The following PDXDC1 variants were observed in gnomAD, a reference collection of about 807,000 sequenced individuals.
The protein encoded by PDXDC1 is pyridoxal dependent decarboxylase domain containing 1.
Under a neutral mutation model 100.1 loss-of-function variants are expected in PDXDC1, and 42 were observed. The observed-to-expected ratio is 0.42, with a 90% CI of 0.33 to 0.54. The LOEUF (loss-of-function observed/expected upper bound fraction) is 0.54. PDXDC1 is among the 20% of genes least tolerant of loss of function. PDXDC1 has a pLI of 0.10. For missense variants in PDXDC1, 636 were observed against 979.2 expected (o/e 0.65, Z 4.68); for synonymous variants, 260 against 371.7 (o/e 0.70, Z 3.46).
intron 1 of PDXDC1, among the ~76,000 whole-genome samples, chr16:14,981,609 G>A (rs983424870): frequency 6.6e-6 from 1 of 152,280 alleles, no homozygotes; most frequent in African/African-American, 2.4e-5. Context: ...GTGTTTACTC[G>A]TGTTATAAGA....
chr16:15,091,683 C>G (rs573856646), intron 16 of PDXDC1, among the ~76,000 whole-genome samples: 126 of 152,288 alleles, frequency 8.3e-4, no homozygotes, highest in African/African-American at 3.0e-3. Flanking sequence ...CTATAATGAT[C>G]TAATTCAGGA....
chr16:15,004,716 C>T (rs1973894893), intron 5 of PDXDC1, among the ~76,000 whole-genome samples: 1 of 152,214 alleles, frequency 6.6e-6, no homozygotes, highest in Admixed American at 6.5e-5. Flanking sequence ...TGGTTCTTGA[C>T]CTCCCATCCT....
chr16:15,033,152 C>T lies in PDXDC1; in HGVS notation c.1691-126C>T, dbSNP rs1001102402. ...TGCAGCCTTGCCAGGCCTTTCTCTC[C>T]GCCCTTAGAATCTCCATGGAGGAGA... On this transcript the variant is annotated intron_variant, in intron 18 of 22. Coordinates refer to ENST00000396410, the MANE Select transcript of PDXDC1 (RefSeq NM_015027.4). 227 of 1,151,748 alleles carry T rather than the reference C, an allele frequency of 2.0e-4. No individual in the cohort carries two copies. The Middle Eastern group carries it at 2.2e-3, about 11-fold the overall frequency. 71.3% of individuals were successfully genotyped at this position (1,151,748 alleles called of 1,614,324 possible). A position where few individuals can be genotyped will look rare whatever the true frequency, so the allele number is the denominator to read the frequency against.
At chr16:15,027,742 G>A (rs939632266) in intron 14 of PDXDC1, among the ~76,000 whole-genome samples, 7 of 152,290 alleles carry the variant, frequency 4.6e-5, no homozygotes, top group African/African-American at 1.7e-4. Context: ...CCAGCCGCTT[G>A]TGTCTTTTTC....
At chr16:15,073,598 G>C (rs2045332150) in intron 16 of PDXDC1, among the ~76,000 whole-genome samples, 1 of 152,182 alleles carries the variant, frequency 6.6e-6, no homozygotes, top group African/African-American at 2.4e-5. Flanking sequence ...ACTGTGGCAA[G>C]GTCAGAAATG....
chr16:15,135,696 C>A (rs1257639255), intron 16 of PDXDC1: 2 of 1,594,390 alleles, frequency 1.3e-6, no homozygotes, highest in African/African-American at 1.3e-5. Context: ...GGCGTCTGGT[C>A]GCCATCCTCC....
chr16:15,065,359 G>A (rs568807566), intron 16 of PDXDC1: 17 of 1,613,128 alleles, frequency 1.1e-5, no homozygotes, highest in Non-Finnish European at 1.3e-5. Context: ...AGCAGAAGAC[G>A]AGCTGGTACT....
chr16:15,122,551 G>A (rs1277210095), intron 16 of PDXDC1, among the ~76,000 whole-genome samples: 4 of 146,952 alleles, frequency 2.7e-5, no homozygotes, highest in African/African-American at 7.6e-5. Context: ...AAGAAACCCC[G>A]CGGGTCCAGC....
chr16:15,094,430 G>T (rs1001958203), intron 16 of PDXDC1: 1 of 612,488 alleles, frequency 1.6e-6, no homozygotes. Flanking sequence ...ACTTGTTCCA[G>T]CCAGCGCTAG....
At chr16:15,063,035 G>C (rs1328284905) in intron 16 of PDXDC1, among the ~76,000 whole-genome samples, 1 of 152,144 alleles carries the variant, frequency 6.6e-6, no homozygotes, top group Non-Finnish European at 1.5e-5. Context: ...GTAGAAACAG[G>C]GTGTCACTGT....
At position 14,975,090 on chromosome 16, in the gene PDXDC1, C is replaced by T. The variant is rs897550126; in HGVS notation, c.-110C>T. The T allele has an allele frequency of 3.4e-6, 5 of 1,470,960 alleles. No individual in the cohort carries two copies. The African/African-American group carries it at 7.2e-5, about 21-fold the overall frequency. The allele number at this position is 1,470,960 out of a possible 1,614,324, so 91.1% of individuals were successfully genotyped here. A position where few individuals can be genotyped will look rare whatever the true frequency, so the allele number is the denominator to read the frequency against. ...GCAGCTCCTCCTCTTCTCCGCCCCGCCGGCCGCGGGCGCGGGGGACGTCAG... is the reference window on the plus strand; with the variant it reads ...GCAGCTCCTCCTCTTCTCCGCCCCGTCGGCCGCGGGCGCGGGGGACGTCAG... On this transcript the variant is annotated 5_prime_UTR_variant, in exon 1 of 23. Transcript: ENST00000396410.
At chr16:15,131,181 G>A in intron 16 of PDXDC1, 1 of 1,588,610 alleles carries the variant, frequency 6.3e-7, no homozygotes, top group South Asian at 1.1e-5. Context: ...CCTGGGGCTG[G>A]ACCACAACGG....
At chr16:15,122,053 A>G (rs1218050528) in intron 16 of PDXDC1, among the ~76,000 whole-genome samples, 29 of 151,688 alleles carry the variant, frequency 1.9e-4, no homozygotes, top group African/African-American at 4.1e-4. Context: ...AATCTGAGCT[A>G]CTCAGGAGGC....
the PDXDC1 span, among the ~76,000 whole-genome samples, chr16:15,144,540 C>A: frequency 3.3e-5 from 5 of 152,262 alleles, no homozygotes; most frequent in Admixed American, 3.3e-4. Flanking sequence ...AGGCCCCAGG[C>A]AACAGAGCCC....
intron 1 of PDXDC1, among the ~76,000 whole-genome samples, chr16:14,977,334 C>T (rs1966927276): frequency 7.8e-6 from 1 of 128,966 alleles, no homozygotes; most frequent in Non-Finnish European, 1.5e-5. Flanking sequence ...GGCTGGAGTG[C>T]AGTGAGGCGA....
At chr16:14,989,261 G>C in intron 1 of PDXDC1, 3 of 1,613,860 alleles carry the variant, frequency 1.9e-6, no homozygotes, top group Non-Finnish European at 1.7e-6. Context: ...CTTTGCTTTT[G>C]GGCACCTGGG....
chr16:15,059,577 T>C (rs1330858152), intron 16 of PDXDC1, among the ~76,000 whole-genome samples: 2 of 152,158 alleles, frequency 1.3e-5, no homozygotes, highest in Non-Finnish European at 2.9e-5. Context: ...CTTGGTAAGT[T>C]GACTTGTAAA....
chr16:15,101,953 A>G (rs2046565394), intron 16 of PDXDC1, among the ~76,000 whole-genome samples: 1 of 152,018 alleles, frequency 6.6e-6, no homozygotes, highest in Non-Finnish European at 1.5e-5. Flanking sequence ...GGTTCAAGCG[A>G]TTCTCCTGCC....
chr16:15,065,738 T>C (rs1179803750), intron 16 of PDXDC1, among the ~76,000 whole-genome samples: 3 of 152,168 alleles, frequency 2.0e-5, no homozygotes, highest in Non-Finnish European at 4.4e-5. Flanking sequence ...GTCTTTATTT[T>C]TACTGTTTGC....
Sources: allele counts gnomAD v4.1 joint callset (sites outside exome capture counted in the v4.1 genomes callset), GRCh38; gene constraint gnomAD v4.1.1; transcripts MANE v1.5; gene names NCBI Gene and HGNC (gene_info 2026-07-23, HGNC 2026-07-21).